SUPT6H: variants seen among roughly 807,000 people sequenced by gnomAD.
SUPT6H encodes the protein transcription elongation factor SPT6.
In SUPT6H, 11 loss-of-function variants were observed where a neutral mutation model predicts 222.3. That is an observed-to-expected ratio of 0.05 (90% confidence interval 0.03 to 0.08). The LOEUF is 0.08. SUPT6H is among the 10% of genes least tolerant of loss of function. The pLI, the probability that SUPT6H is intolerant of heterozygous loss-of-function variation, is 1.00. For synonymous variants in SUPT6H, 762 were observed against 801.2 expected (o/e 0.95, Z 0.83); for missense variants, 1,422 against 2,216.0 (o/e 0.64, Z 7.19).
chr17:28,699,710 GCAT>G, intron 32 of SUPT6H, 68 bp from the exon 33 acceptor site: 1 of 1,242,998 alleles, frequency 8.0e-7, no homozygotes, highest in Non-Finnish European at 1.2e-6. Flanking sequence ...CACATGGTGG[GCAT>G]CTGTTCTGGT....
At chr17:28,697,595 T>C (rs755765702) in intron 30 of SUPT6H, 25 bp from the exon 31 acceptor site, 2 of 1,585,950 alleles carry the variant, frequency 1.3e-6, no homozygotes, top group Non-Finnish European at 1.7e-6. Flanking sequence ...ATATGACACA[T>C]GGGGCCTTTA....
intron 6 of SUPT6H, 74 bp from the exon 7 acceptor site, chr17:28,676,083 A>G: frequency 6.7e-7 from 1 of 1,487,188 alleles, no homozygotes; most frequent in Non-Finnish European, 9.0e-7. Context: ...GGACAAGTAA[A>G]GGATCTATGC....
At chr17:28,692,595 C>G (rs1313534093) in intron 27 of SUPT6H, among the ~76,000 whole-genome samples, 1 of 147,958 alleles carries the variant, frequency 6.8e-6, no homozygotes, top group East Asian at 2.0e-4. Flanking sequence ...GGATGGGGCA[C>G]AGTCACACCA....
chr17:28,701,285 G>A (rs577092776), intron 36 of SUPT6H, among the ~76,000 whole-genome samples, 154 bp from the exon 37 acceptor site: 58 of 152,380 alleles, frequency 3.8e-4, no homozygotes, highest in African/African-American at 1.3e-3. Context: ...GACGGAAGAG[G>A]GCAGTATGGC....
Position 28,697,906 on chromosome 17 carries a change from A to G in SUPT6H, c.4324A>G (p.Lys1442Glu). The G allele has an allele frequency of 6.2e-7, 1 of 1,613,884 alleles. No individual in the cohort carries two copies. Among genetic ancestry groups the G allele is most frequent in the Non-Finnish European group, 8.5e-7 (1 of 1,179,912 alleles). Reference sequence around the variant, plus strand: ...CCTCTCCCCCTCATTCTACCCCCAGAAATTAGAGGAGCTGCTCATCAAAAC... The same window carrying G: ...CCTCTCCCCCTCATTCTACCCCCAGGAATTAGAGGAGCTGCTCATCAAAAC... ...YQDCSGGDRK[K>E]LEELLIKTKK... Residue 1442 changes from lysine (K) to glutamate (E), a missense_variant and splice_region_variant, in exon 32 of 37, where the codon AAA (lysine) becomes GAA (glutamate). This residue lies in a region of SUPT6H where 395 missense variants were observed against 580.6 expected (regional missense o/e 0.68). Coordinates refer to ENST00000314616, the MANE Select transcript of SUPT6H (RefSeq NM_003170.5).
At chr17:28,678,710 A>ACC in intron 10 of SUPT6H, 76 bp downstream of exon 10, 1 of 1,609,666 alleles carries the variant, frequency 6.2e-7, no homozygotes, top group East Asian at 2.2e-5. Context: ...ACAAACCCAA[A>ACC]CCCCCCAGGC....
Position 28,688,527 on chromosome 17 carries a change from C to A in SUPT6H, c.3134+309C>A. The A allele has an allele frequency of 1.6e-5, 3 of 188,654 alleles. No individual in the cohort carries two copies. Among genetic ancestry groups the A allele is most frequent in the East Asian group, 1.4e-4 (1 of 7,252 alleles). 11.7% of individuals were successfully genotyped at this position (188,654 alleles called of 1,614,324 possible). A position where few individuals can be genotyped will look rare whatever the true frequency, so the allele number is the denominator to read the frequency against. On this transcript the variant is annotated intron_variant, in intron 24 of 36. Transcript: ENST00000314616. This position sits in a 1 kb window ranked among gnomAD's most constrained non-coding sequence, Gnocchi z 4.3. ...TTTTTATTATTATGGTTTGTTGTGG[C>A]CAGATAAGGGTGGGAATAGCGGGGG... is the stretch of plus-strand genomic sequence containing the variant.
At chr17:28,669,850 C>T (rs1275313830) in intron 1 of SUPT6H, among the ~76,000 whole-genome samples, 2 of 152,220 alleles carry the variant, frequency 1.3e-5, no homozygotes, top group Non-Finnish European at 2.9e-5. Flanking sequence ...GCAAGAGAAT[C>T]GCTTGAACCC....
chr17:28,674,329 C>A lies in SUPT6H; in HGVS notation c.156C>A (p.Gly52=), dbSNP rs149609743. Residue 52 remains glycine (G), a synonymous_variant, in exon 3 of 37, where the codon GGC becomes GGA. Coordinates refer to ENST00000314616, the MANE Select transcript of SUPT6H (RefSeq NM_003170.5). Reference sequence around the variant, plus strand: ...ACCTAGATGATCAGGATGAGCAAGGCAACTTGAAAGGCTTTATCAATGACG... The same window carrying A: ...ACCTAGATGATCAGGATGAGCAAGGAAACTTGAAAGGCTTTATCAATGACG... The part of the protein sequence containing the change: ...EENLDDQDEQ[G]NLKGFINDDD... 1.4e-4 allele frequency: 225 copies of A among 1,613,946 alleles called. No homozygotes were observed. Among genetic ancestry groups the A allele is most frequent in the Non-Finnish European group, 1.8e-4 (218 of 1,180,018 alleles).
At chr17:28,697,802 T>C (rs2031987526) in intron 31 of SUPT6H, 69 bp downstream of exon 31, 2 of 1,607,368 alleles carry the variant, frequency 1.2e-6, no homozygotes, top group Admixed American at 1.7e-5. Context: ...CCCTTCAGTA[T>C]AGGGGACACT....
chr17:28,673,177 A>G (rs2030535077), intron 1 of SUPT6H, among the ~76,000 whole-genome samples, 194 bp from the exon 2 acceptor site: 1 of 150,834 alleles, frequency 6.6e-6, no homozygotes, highest in East Asian at 1.9e-4. Context: ...AGTACATATG[A>G]GAGAAGCAAT....
At chr17:28,663,582 C>T (rs2072106673) in intron 1 of SUPT6H, among the ~76,000 whole-genome samples, 1 of 152,090 alleles carries the variant, frequency 6.6e-6, no homozygotes, top group African/African-American at 2.4e-5. Flanking sequence ...ATCAGTCCTG[C>T]CTGTAATCCT....
At position 28,688,091 on chromosome 17, in the gene SUPT6H, A is replaced by G; in HGVS notation, c.3007A>G (p.Ile1003Val). 1 of 1,610,670 alleles carries G rather than the reference A, an allele frequency of 6.2e-7. No individual in the cohort carries two copies. The highest frequency in any genetic ancestry group is 8.5e-7 in the Non-Finnish European group (1 of 1,177,956). Reference sequence around the variant, plus strand: ...GGCTCAGTCCAGCTCTCTCCCCCAGATCCTGAAGCAGAACAACACCCGGCT... The same window carrying G: ...GGCTCAGTCCAGCTCTCTCCCCCAGGTCCTGAAGCAGAACAACACCCGGCT... ...GPRKGTHLLK[I>V]LKQNNTRLES... The change falls in exon 24 of 37, where the codon ATC becomes GTC. Residue 1003 changes from isoleucine to valine, a missense_variant and splice_region_variant. Ile to Val is a conservative substitution (Grantham distance 29, BLOSUM62 3). Coordinates refer to ENST00000314616, the MANE Select transcript of SUPT6H (RefSeq NM_003170.5). The surrounding 1 kb of genome is among the most constrained non-coding windows in gnomAD (Gnocchi z 4.3).
intron 7 of SUPT6H, among the ~76,000 whole-genome samples, chr17:28,677,101 G>A (rs777565528): frequency 1.1e-4 from 17 of 151,656 alleles, no homozygotes; most frequent in Non-Finnish European, 2.1e-4. Flanking sequence ...GGCCAGGCAC[G>A]GTGACTCACG....
At position 28,674,367 on chromosome 17, in the gene SUPT6H, A is replaced by G; in HGVS notation, c.194A>G (p.Asp65Gly). 2 of 1,614,150 alleles carry G rather than the reference A, an allele frequency of 1.2e-6. No individual in the cohort carries two copies. Among genetic ancestry groups the G allele is most frequent in the Non-Finnish European group, 1.7e-6 (2 of 1,180,016 alleles). ...KGFINDDDDEDEGEEDEGSDS... is the reference protein window; with the variant it reads ...KGFINDDDDEGEGEEDEGSDS... ...TTTATCAATGACGATGATGATGAAG[A>G]TGAAGGGGAGGAGGATGAGGGCAGT... Residue 65 changes from aspartate (D) to glycine (G), a missense_variant, in exon 3 of 37, where the codon GAT (aspartate) becomes GGT (glycine). This residue lies in a region of SUPT6H where 89 missense variants were observed against 118.9 expected (regional missense o/e 0.75). Coordinates refer to ENST00000314616, the MANE Select transcript of SUPT6H (RefSeq NM_003170.5).
rs1035869515 is a variant in SUPT6H at position 28,688,285 on chromosome 17, G to T, written c.3134+67G>T. On this transcript the variant is annotated intron_variant, in intron 24 of 36. Transcript: ENST00000314616. The surrounding 1 kb of genome is among the most constrained non-coding windows in gnomAD (Gnocchi z 4.3). ...TGGGCTTTGTTTTCGGGTTTCAGGG[G>T]TTAGGGCTATCAAAGGGCCACAAGC... 7 of 1,542,652 alleles carry T rather than the reference G, an allele frequency of 4.5e-6. No homozygotes were observed. The highest frequency in any genetic ancestry group is 5.2e-6 in the Non-Finnish European group (6 of 1,143,788).
At chr17:28,678,324 A>G in intron 9 of SUPT6H, 132 bp downstream of exon 9, 1 of 887,500 alleles carries the variant, frequency 1.1e-6, no homozygotes, top group Non-Finnish European at 1.8e-6. Context: ...TGTTAGGACC[A>G]GCAGAGACCC....
At chr17:28,678,038 A>G in intron 8 of SUPT6H, 38 bp from the exon 9 acceptor site, 1 of 1,578,910 alleles carries the variant, frequency 6.3e-7, no homozygotes, top group Non-Finnish European at 8.7e-7. Flanking sequence ...CAAACCAAGT[A>G]AACATTGTCT....
chr17:28,672,453 G>C (rs1597689334), intron 1 of SUPT6H, among the ~76,000 whole-genome samples: 1 of 148,704 alleles, frequency 6.7e-6, no homozygotes, highest in Non-Finnish European at 1.5e-5. Context: ...TGCTCTTGTT[G>C]CCCAGGCTGG....
Sources: allele counts gnomAD v4.1 joint callset (sites outside exome capture counted in the v4.1 genomes callset), GRCh38; gene constraint gnomAD v4.1.1; regional missense constraint gnomAD v4.1.1; non-coding constraint Gnocchi (gnomAD v3.1); transcripts MANE v1.5; gene names NCBI Gene and HGNC (gene_info 2026-07-23, HGNC 2026-07-21).